IL3RA: variants seen among roughly 807,000 people sequenced by gnomAD.
IL3RA encodes interleukin-3 receptor subunit alpha.
A neutral mutation model predicts 52.3 loss-of-function variants in IL3RA; 73 were observed. That is an observed-to-expected ratio of 1.40 (90% CI 1.16 to 1.70). The LOEUF is 1.70. Ranked by LOEUF, IL3RA falls within the 40% of genes most tolerant of loss-of-function variation. The pLI, the probability that IL3RA is intolerant of heterozygous loss-of-function variation, is 0.00. For missense variants in IL3RA, 664 were observed against 504.4 expected (o/e 1.32, Z -3.03); for synonymous variants, 260 against 194.0 (o/e 1.34, Z -2.83).
intron 4 of IL3RA, among the ~76,000 whole-genome samples, chrX:1,351,468 A>G (rs1294807373): frequency 1.3e-5 from 2 of 150,992 alleles, no homozygotes; most frequent in East Asian, 2.0e-4. Flanking sequence ...AGCTGGGATT[A>G]CAGCGGCCCG....
intron 9 of IL3RA, among the ~76,000 whole-genome samples, chrX:1,368,387 C>T (rs1425053984): frequency 6.6e-6 from 1 of 152,028 alleles, no homozygotes; most frequent in Admixed American, 6.6e-5. Flanking sequence ...GAGTTCGAGA[C>T]CAGCCTGACC....
At chrX:1,366,482 G>A (rs1469673232) in intron 9 of IL3RA, among the ~76,000 whole-genome samples, 4 of 85,916 alleles carry the variant, frequency 4.7e-5, no homozygotes, top group Non-Finnish European at 7.1e-5. Flanking sequence ...GGTGAGCGGG[G>A]TGAGCCGGGT....
chrX:1,344,192 G>C (rs1249078225), intron 2 of IL3RA, among the ~76,000 whole-genome samples: 2 of 152,078 alleles, frequency 1.3e-5, no homozygotes, highest in African/African-American at 2.4e-5. Context: ...CCAGCACTTT[G>C]GGAGGCTGAG....
chrX:1,359,472 CCT>C (rs1217132047), intron 8 of IL3RA, among the ~76,000 whole-genome samples: 1 of 151,600 alleles, frequency 6.6e-6, no homozygotes, highest in Non-Finnish European at 1.5e-5. Context: ...TTTCTCCCTC[CCT>C]CTCTTTCTCT....
chrX:1,348,284 G>T (rs1223913466), intron 3 of IL3RA, 147 bp from the exon 4 acceptor site: 2 of 676,952 alleles, frequency 3.0e-6, no homozygotes, highest in African/African-American at 1.8e-5. Context: ...ACCCGGGAGG[G>T]AGAGGCTGCA....
intron 2 of IL3RA, among the ~76,000 whole-genome samples, chrX:1,342,096 A>G (rs1381851375): frequency 3.9e-5 from 6 of 152,126 alleles, no homozygotes; most frequent in Non-Finnish European, 7.4e-5. Flanking sequence ...GATGAAACTC[A>G]CACGCTGGGA....
chrX:1,358,115 A>G (rs2086880165), intron 7 of IL3RA, among the ~76,000 whole-genome samples: 1 of 151,842 alleles, frequency 6.6e-6, no homozygotes, highest in South Asian at 2.1e-4. Context: ...AGGAGAAAAA[A>G]AAAAAAAGAA....
At chrX:1,380,955 C>T (rs1307277224) in intron 10 of IL3RA, 68 bp from the exon 11 acceptor site, 11 of 1,318,812 alleles carry the variant, frequency 8.3e-6, no homozygotes, top group Non-Finnish European at 1.1e-5. Context: ...GTCCTGGACA[C>T]GCTGTGTCCC....
At chrX:1,379,755 A>G (rs1428735449) in intron 10 of IL3RA, among the ~76,000 whole-genome samples, 1 of 152,166 alleles carries the variant, frequency 6.6e-6, no homozygotes, top group Non-Finnish European at 1.5e-5. Context: ...GGGTCACCCC[A>G]GGTCCTGTCT....
At chrX:1,367,555 G>A (rs1342511892) in intron 9 of IL3RA, among the ~76,000 whole-genome samples, 1 of 102,556 alleles carries the variant, frequency 9.8e-6, no homozygotes, top group Non-Finnish European at 1.9e-5. Flanking sequence ...AGCCGGGTGC[G>A]CGGGGTGCGC....
chrX:1,359,636 C>CT (rs2087019567), intron 8 of IL3RA, among the ~76,000 whole-genome samples: 1 of 130,588 alleles, frequency 7.7e-6, no homozygotes, highest in Non-Finnish European at 1.7e-5. Flanking sequence ...TTCCCTCTCT[C>CT]TATCTTTCTC....
At chrX:1,354,853 A>C (rs1447144777) in intron 6 of IL3RA, among the ~76,000 whole-genome samples, 1 of 21,768 alleles carries the variant, frequency 4.6e-5, no homozygotes, top group East Asian at 1.6e-3. Flanking sequence ...GAGGAGGAGG[A>C]GGCGGGGGAG....
In IL3RA at chrX:1,352,149, C is replaced by T. The variant is rs138741478; in HGVS notation, c.348C>T (p.Asp116=). 1.5e-5 allele frequency: 24 copies of T among 1,613,692 alleles called. No individual in the cohort carries two copies. Among genetic ancestry groups the T allele is most frequent in the Non-Finnish European group, 1.9e-5 (22 of 1,179,826 alleles). The change falls in exon 5 of 12, where the codon GAC becomes GAT. Residue 116 remains aspartate (D), a synonymous_variant. Transcript: ENST00000331035. Reference sequence around the variant, plus strand: ...AGAATCTGACCTGCTGGATTCATGACGTGGATTTCTTGAGCTGCAGCTGGG... The same window carrying T: ...AGAATCTGACCTGCTGGATTCATGATGTGGATTTCTTGAGCTGCAGCTGGG... ...GAENLTCWIH[D]VDFLSCSWAV... is the part of the protein sequence containing the mutation.
In IL3RA at chrX:1,341,791, T is replaced by C. The variant is rs1473601448; in HGVS notation, c.26T>C (p.Leu9Pro). The C allele has an allele frequency of 1.9e-5, 31 of 1,613,806 alleles. No individual in the cohort carries two copies. The highest frequency in any genetic ancestry group is 2.5e-5 in the Non-Finnish European group (29 of 1,179,864). Reference protein sequence around the residue: MVLLWLTLLLIALPCLLQT... With the variant: MVLLWLTLPLIALPCLLQT... Reference sequence around the variant, plus strand: ...ATGGTCCTCCTTTGGCTCACGCTGCTCCTGATCGCCCTGCCCTGTCTCCTG... The same window carrying C: ...ATGGTCCTCCTTTGGCTCACGCTGCCCCTGATCGCCCTGCCCTGTCTCCTG... The change falls in exon 2 of 12, where the codon CTC (leucine) becomes CCC (proline). Residue 9 changes from leucine to proline, a missense_variant. Physicochemically the swap from Leu to Pro is moderately conservative, Grantham distance 98. Transcript: ENST00000331035.
intron 9 of IL3RA, among the ~76,000 whole-genome samples, chrX:1,377,698 C>T (rs1437121040): frequency 1.4e-5 from 2 of 141,314 alleles, no homozygotes; most frequent in African/African-American, 5.2e-5. Flanking sequence ...GAGAGTCTCT[C>T]TCTATTGCCC....
rs751243379 is a variant in IL3RA, at chrX:1,381,101, G to A, written c.1059G>A (p.Lys353=). 4.3e-6 allele frequency: 7 copies of A among 1,613,844 alleles called. No individual in the cohort carries two copies. In the African/African-American group the frequency reaches 9.3e-5, roughly 22 times the overall value. ...DPIGDSFQND[K]LVVWEAGKAG... ...TCGGTGACAGCTTCCAAAACGACAA[G>A]CTGGTATGTTGTTTTTTCTGCCTTG... is the stretch of plus-strand genomic sequence containing the variant. Residue 353 remains lysine (K), a synonymous_variant, in exon 11 of 12, where the codon AAG becomes AAA. Transcript: ENST00000331035.
At position 1,378,758 on chromosome X, in the gene IL3RA, G is replaced by A; in HGVS notation, c.974G>A (p.Cys325Tyr). The change falls in exon 10 of 12, where the codon TGC (cysteine) becomes TAC (tyrosine). Residue 325 changes from cysteine to tyrosine, a missense_variant. Physicochemically the swap from Cys to Tyr is radical, Grantham distance 194. Coordinates refer to ENST00000331035, the MANE Select transcript of IL3RA (RefSeq NM_002183.4). ...GCCCTGGTCTGTGTCTTCGTGATCT[G>A]CAGAAGGTGAGCCCTCGAGGGCGTC... is the stretch of plus-strand genomic sequence containing the variant. The part of the protein sequence containing the change: ...LLALVCVFVI[C>Y]RRYLVMQRLF... 1 of 1,612,310 alleles carries A rather than the reference G, an allele frequency of 6.2e-7. No individual in the cohort carries two copies.
chrX:1,353,950 CCCCCATCATGGGTCGTGGGACCCCCA>C (rs1437280704), intron 6 of IL3RA, among the ~76,000 whole-genome samples: 1,017 of 76,890 alleles, frequency 0.013, 165 homozygotes, highest in African/African-American at 0.036. Flanking sequence ...GGGACCCCCC[CCCCCATCATGGGTCGTGGGACCCCCA>C]CCCCCATCAT....
chrX:1,378,640 T>C lies in IL3RA; in HGVS notation c.875-19T>C, dbSNP rs1569528312. 6.2e-7 allele frequency: 1 copy of C among 1,608,302 alleles called. No homozygotes were observed. The highest frequency in any genetic ancestry group is 1.3e-5 in the African/African-American group (1 of 74,916). On this transcript the variant is annotated intron_variant, in intron 9 of 11. Transcript: ENST00000331035. Reference sequence around the variant, plus strand: ...CAGGACGGCCCCCGGTCTGTGACCCTCTCACCCTTTACCCCTAGAGTGCGA... The same window carrying C: ...CAGGACGGCCCCCGGTCTGTGACCCCCTCACCCTTTACCCCTAGAGTGCGA...
Sources: allele counts gnomAD v4.1 joint callset (sites outside exome capture counted in the v4.1 genomes callset), GRCh38; gene constraint gnomAD v4.1.1; transcripts MANE v1.5; gene names NCBI Gene and HGNC (gene_info 2026-07-23, HGNC 2026-07-21).